Variants in RARB observed in about 807,000 individuals in gnomAD.
RARB encodes the protein retinoic acid receptor beta, also known as HBV-activated protein.
RARB carries 17 observed loss-of-function variants against 51.9 expected under a neutral mutation model. That is an observed-to-expected ratio of 0.33 (90% CI 0.22 to 0.49). The LOEUF is 0.49. RARB is among the 20% of genes least tolerant of loss of function. The pLI is 0.99. For missense variants in RARB, 369 were observed against 550.8 expected, an observed-to-expected ratio of 0.67 and a Z score of 3.30; for synonymous variants, 215 against 195.4, an observed-to-expected ratio of 1.10 and a Z score of -0.84.
chr3:25,250,842 A>G (rs1336866530), intron 5 of RARB, among the ~76,000 whole-genome samples: 7 of 152,144 alleles, frequency 4.6e-5, no homozygotes, highest in East Asian at 3.9e-4. Context: ...AGGACTCACA[A>G]GGGTTAAGAG....
At chr3:25,119,285 G>A (rs570763572) in intron 3 of RARB, among the ~76,000 whole-genome samples, 7 of 152,104 alleles carry the variant, frequency 4.6e-5, no homozygotes, top group Admixed American at 6.6e-5. Flanking sequence ...CTGAGGGGTC[G>A]GTGGTAAGGA....
At chr3:25,298,588 C>G (rs1008780452) in intron 5 of RARB, among the ~76,000 whole-genome samples, 1 of 151,988 alleles carries the variant, frequency 6.6e-6, no homozygotes, top group Non-Finnish European at 1.5e-5. Flanking sequence ...GTTAAGCTGG[C>G]CTCTAATTTT....
intron 5 of RARB, among the ~76,000 whole-genome samples, chr3:25,373,033 G>C (rs993205677): frequency 6.6e-6 from 1 of 152,132 alleles, no homozygotes; most frequent in Admixed American, 6.6e-5. Context: ...TGACTGAGGA[G>C]CAAGGCTGGG....
chr3:25,054,876 T>C lies in RARB; in HGVS notation c.-379-5249T>C, dbSNP rs73149123. On this transcript the variant is annotated intron_variant, in intron 2 of 11. Coordinates refer to the RARB transcript ENST00000383772. ...TGAGCTAGTTCAAAGCAATCTCGAT[T>C]ATTGAAAATGAATGAAATTGAATTC... is the stretch of plus-strand genomic sequence containing the variant. Among the ~76,000 whole-genome samples the C allele has an allele frequency of 6.2e-3, 938 of 152,306 alleles. 7 individuals carry two copies. Among genetic ancestry groups the C allele is most frequent in the African/African-American group, 0.021 (880 of 41,566 alleles).
At position 25,517,218 on chromosome 3, in the gene RARB, T is replaced by C. The variant is rs551897173; in HGVS notation, c.448+15895T>C. Among the ~76,000 whole-genome samples the C allele has an allele frequency of 2.0e-5, 3 of 152,352 alleles. No homozygotes were observed. In the East Asian group the frequency reaches 5.8e-4, roughly 29 times the overall value. ...AACCCTCACCCTCTTTATAGAAATA[T>C]ATTTATCTCTTGTTGCTGTCTTCAA... On this transcript the variant is annotated intron_variant, in intron 3 of 7. Transcript: ENST00000330688.
At chr3:25,193,865 C>G (rs915820655) in intron 5 of RARB, among the ~76,000 whole-genome samples, 1 of 150,808 alleles carries the variant, frequency 6.6e-6, no homozygotes, top group Non-Finnish European at 1.5e-5. Context: ...CACTCAGTTT[C>G]AAAATATATA....
chr3:25,169,064 AT>A (rs1444616551), intron 4 of RARB, among the ~76,000 whole-genome samples: 1 of 152,234 alleles, frequency 6.6e-6, no homozygotes, highest in Non-Finnish European at 1.5e-5. Context: ...GTTTAAAAAA[AT>A]GACTTCTAAT....
intron 4 of RARB, among the ~76,000 whole-genome samples, chr3:25,168,852 A>G (rs1700599223): frequency 6.6e-6 from 1 of 152,192 alleles, no homozygotes; most frequent in South Asian, 2.1e-4. Flanking sequence ...AATTTTTCCT[A>G]ACAGGACTTG....
chr3:25,359,365 C>T (rs1191139898), intron 5 of RARB, among the ~76,000 whole-genome samples: 4 of 150,624 alleles, frequency 2.7e-5, no homozygotes, highest in Non-Finnish European at 4.5e-5. Flanking sequence ...TTTCATTCTT[C>T]TCTTTTTATT....
chr3:25,221,879 G>A lies in RARB; in HGVS notation c.178+47304G>A, dbSNP rs112014313. ...TGTTTGAACATTTCCAAGTGTATAG[G>A]GTACAGCAATAAATCATATTTTGAT... On this transcript the variant is annotated intron_variant, in intron 5 of 11. Transcript: ENST00000383772. 5.8e-3 allele frequency among the ~76,000 whole-genome samples: 887 copies of A among 152,168 alleles called. 16 individuals carry two copies. The highest frequency in any genetic ancestry group is 0.019 in the African/African-American group (787 of 41,502).
At chr3:24,833,656 T>C (rs1702308879) in intron 1 of RARB, among the ~76,000 whole-genome samples, 2 of 152,252 alleles carry the variant, frequency 1.3e-5, no homozygotes, top group South Asian at 4.1e-4. Flanking sequence ...TTAGTCTTCC[T>C]CATTTGGGGA....
At chr3:25,069,653 G>C (rs75898028) in intron 3 of RARB, among the ~76,000 whole-genome samples, 1 of 152,254 alleles carries the variant, frequency 6.6e-6, no homozygotes, top group Non-Finnish European at 1.5e-5. Context: ...AGCTCCTTGT[G>C]TATACACTGT....
intron 2 of RARB, among the ~76,000 whole-genome samples, chr3:25,018,964 T>C (rs540112883): frequency 3.6e-4 from 55 of 152,330 alleles, no homozygotes; most frequent in Non-Finnish European, 5.4e-4. Flanking sequence ...ACCTAAGGAC[T>C]CCAAATTAAG....
intron 2 of RARB, among the ~76,000 whole-genome samples, chr3:24,905,144 AATAAC>A (rs1344851215): frequency 2.0e-5 from 3 of 152,192 alleles, no homozygotes; most frequent in African/African-American, 7.2e-5. Context: ...ATAAAAATAA[AATAAC>A]CAAAGCCTTT....
rs74799370 is a variant in RARB at position 25,478,644 on chromosome 3, A to G, written c.306+17303A>G. On this transcript the variant is annotated intron_variant, in intron 2 of 7. Coordinates refer to ENST00000330688, the MANE Select transcript of RARB (RefSeq NM_000965.5). Reference sequence around the variant, plus strand: ...CTTTCCTGGTGACTGAGAAAAATGCAGTACCCTTAGTATCGACATGACGTC... The same window carrying G: ...CTTTCCTGGTGACTGAGAAAAATGCGGTACCCTTAGTATCGACATGACGTC... Among the ~76,000 whole-genome samples, 311 of 152,328 alleles carry G rather than the reference A, an allele frequency of 2.0e-3. 1 individual carries two copies. The highest frequency in any genetic ancestry group is 7.0e-3 in the African/African-American group (293 of 41,568).
intron 3 of RARB, among the ~76,000 whole-genome samples, chr3:25,086,508 G>T (rs572390179): frequency 1.2e-4 from 19 of 152,270 alleles, no homozygotes; most frequent in Admixed American, 2.6e-4. Context: ...TATTTAAAGA[G>T]ATTTATTTTG....
chr3:25,259,162 T>C (rs1458108024), intron 5 of RARB: 10 of 799,706 alleles, frequency 1.3e-5, no homozygotes, highest in African/African-American at 3.8e-5. Context: ...AGTAAATAGA[T>C]ATGGTAAAGT....
At chr3:25,224,834 G>A (rs969662429) in intron 5 of RARB, among the ~76,000 whole-genome samples, 4 of 151,816 alleles carry the variant, frequency 2.6e-5, no homozygotes, top group East Asian at 1.9e-4. Flanking sequence ...CGGACTCCTA[G>A]GCTCGAGCAA....
chr3:25,116,435 A>T (rs943124670), intron 3 of RARB, among the ~76,000 whole-genome samples: 1 of 152,278 alleles, frequency 6.6e-6, no homozygotes, highest in East Asian at 1.9e-4. Flanking sequence ...AGTTTACAAA[A>T]AAAACGAGTC....
Sources: gnomAD v4.1 joint callset for allele counts (sites outside exome capture counted in the v4.1 genomes callset) on GRCh38, gnomAD v4.1.1 for gene constraint, MANE v1.5 for transcripts, NCBI Gene and HGNC (gene_info 2026-07-23, HGNC 2026-07-21) for gene names.